The following TNS3 variants were observed in gnomAD, a reference collection of about 807,000 sequenced individuals.
The protein encoded by TNS3 is tensin 3.
A neutral mutation model predicts 140.9 loss-of-function variants in TNS3; 45 were observed. The ratio of observed to expected loss-of-function variants is 0.32; its 90% CI spans 0.25 to 0.41. The LOEUF is 0.41. Among genes scored for constraint, TNS3 ranks in the 10% least tolerant of loss-of-function variants. The pLI is 1.00. For missense variants in TNS3, 1,716 were observed against 1,906.7 expected (o/e 0.90, Z 1.86); for synonymous variants, 815 against 788.4 (o/e 1.03, Z -0.56).
chr7:47,359,817 C>T (rs1192184960), intron 17 of TNS3, among the ~76,000 whole-genome samples: 5 of 152,150 alleles, frequency 3.3e-5, no homozygotes, highest in East Asian at 1.9e-4. Context: ...GTTATAGAAA[C>T]GATACTTCAT....
chr7:47,291,523 C>G (rs976736881), intron 27 of TNS3, among the ~76,000 whole-genome samples: 1 of 152,070 alleles, frequency 6.6e-6, no homozygotes, highest in African/African-American at 2.4e-5. Flanking sequence ...TTTAAGTGAC[C>G]TGCTCTGTCT....
chr7:47,439,358 G>A, intron 6 of TNS3, 129 bp downstream of exon 6: 2 of 1,037,358 alleles, frequency 1.9e-6, no homozygotes, highest in Non-Finnish European at 2.7e-6. Context: ...AGGCGCCACG[G>A]ACAGCTGTGT....
intron 3 of TNS3, among the ~76,000 whole-genome samples, chr7:47,497,350 C>T (rs572944462): frequency 7.1e-4 from 108 of 152,192 alleles, no homozygotes; most frequent in African/African-American, 2.5e-3. Flanking sequence ...GGGAAAAGAG[C>T]ACTCCTGCAG....
chr7:47,316,777 C>CA (rs766794024), intron 20 of TNS3, among the ~76,000 whole-genome samples: 2,717 of 55,132 alleles, frequency 0.049, 88 homozygotes, highest in African/African-American at 0.11. Context: ...GACTCCATCT[C>CA]AAAAAAAAAA....
chr7:47,302,301 C>A lies in TNS3; in HGVS notation c.3458-29G>T, dbSNP rs772652706. On this transcript the variant is annotated intron_variant, in intron 22 of 30. Coordinates refer to ENST00000311160, the MANE Select transcript of TNS3 (RefSeq NM_022748.12). Reference sequence around the variant, plus strand: ...TAAAGCAAAATTTAAAAACAGTGACCATGATGGGCACTTTTCTTCTTGCAA... The same window carrying A: ...TAAAGCAAAATTTAAAAACAGTGACAATGATGGGCACTTTTCTTCTTGCAA... 9 of 1,567,872 alleles carry A rather than the reference C, an allele frequency of 5.7e-6. No homozygotes were observed. The South Asian group carries it at 1.0e-4, about 17-fold the overall frequency.
Position 47,303,350 on chromosome 7 carries a change from G to C in TNS3, c.3057C>G (p.Phe1019Leu), listed in dbSNP as rs765460182. 39 of 1,613,562 alleles carry C rather than the reference G, an allele frequency of 2.4e-5. 1 individual carries two copies. The highest frequency in any genetic ancestry group is 3.2e-5 in the Non-Finnish European group (38 of 1,179,910). The change falls in exon 22 of 31, where the codon TTC (phenylalanine) becomes TTG (leucine). Residue 1019 changes from phenylalanine to leucine, a missense_variant. Coordinates refer to ENST00000311160, the MANE Select transcript of TNS3 (RefSeq NM_022748.12). ...CCACTGGGGCGGTGCCGAAGCCCAG[G>C]AAGGCCTGGCTGCTGGGAGGCGCCA... is the stretch of plus-strand genomic sequence containing the variant. ...DSLAPPSSQA[F>L]LGFGTAPVGS...
chr7:47,554,067 A>G (rs973239215), intron 1 of TNS3, among the ~76,000 whole-genome samples: 5 of 151,162 alleles, frequency 3.3e-5, no homozygotes, highest in Non-Finnish European at 5.9e-5. Context: ...GGCCTCCCAA[A>G]GTGCTGGGAT....
At position 47,441,861 on chromosome 7, in the gene TNS3, T is replaced by C. The variant is rs114084211; in HGVS notation, c.-23+142A>G. 1.8e-3 allele frequency: 1,051 copies of C among 588,128 alleles called. 8 individuals are homozygous for C. The African/African-American group carries it at 0.018, about 10-fold the overall frequency. 36.4% of individuals were successfully genotyped at this position (588,128 alleles called of 1,614,324 possible). On this transcript the variant is annotated intron_variant, in intron 5 of 30. Transcript: ENST00000311160. ...AAACGGACAGAAAACCTGGCCTGTA[T>C]CACCTTTGATTGGCAATGTTTACAA...
At chr7:47,544,953 T>C (rs1799880682) in intron 1 of TNS3, among the ~76,000 whole-genome samples, 1 of 151,800 alleles carries the variant, frequency 6.6e-6, no homozygotes, top group African/African-American at 2.4e-5. Context: ...GCAGAGTTAG[T>C]TGTACGAAAA....
Position 47,368,911 on chromosome 7 carries a change from A to G in TNS3, c.1735T>C (p.Tyr579His), listed in dbSNP as rs755058774. The change falls in exon 17 of 31, where the codon TAT becomes CAT. Residue 579 changes from tyrosine (Y) to histidine (H), a missense_variant. Around this residue, in one of 3 missense-constraint regions of TNS3, gnomAD observed 1,163 missense variants for 1,182.1 expected, o/e 0.98. Transcript: ENST00000311160. ...TGTGTGGAGTAGCTGCTCTGCCCATAGGCCTGCATCTGGGCGGACACTGAG... is the reference window on the plus strand; with the variant it reads ...TGTGTGGAGTAGCTGCTCTGCCCATGGGCCTGCATCTGGGCGGACACTGAG... ...KPSVSAQMQA[Y>H]GQSSYSTQTW... 6.2e-7 allele frequency: 1 copy of G among 1,613,506 alleles called. No homozygotes were observed. Among genetic ancestry groups the G allele is most frequent in the Non-Finnish European group, 8.5e-7 (1 of 1,179,754 alleles).
At chr7:47,543,207 G>A (rs192395899) in intron 1 of TNS3, among the ~76,000 whole-genome samples, 15 of 152,288 alleles carry the variant, frequency 9.8e-5, no homozygotes, top group East Asian at 1.9e-4. Flanking sequence ...TGCTCCATCC[G>A]AAATCCAGAA....
Position 47,580,364 on chromosome 7 carries a change from G to A in TNS3, c.-265+1687C>T, listed in dbSNP as rs568778140. The stretch of plus-strand genomic sequence containing the variant: ...CCAAGGAATGTAATTTGGGTGAAAT[G>A]AAATGAATGCATGCAAAGCATTTAG... On this transcript the variant is annotated intron_variant, in intron 1 of 30. Transcript: ENST00000311160. Among the ~76,000 whole-genome samples, 212 of 152,338 alleles carry A rather than the reference G, an allele frequency of 1.4e-3. 1 individual carries two copies. Among genetic ancestry groups the A allele is most frequent in the Middle Eastern group, 0.01 (3 of 294 alleles).
chr7:47,303,176 G>C lies in TNS3; in HGVS notation c.3231C>G (p.His1077Gln). The change falls in exon 22 of 31, where the codon CAC becomes CAG. Residue 1077 changes from histidine (H) to glutamine (Q), a missense_variant. By Grantham distance (24) the His-to-Gln change is conservative. Coordinates refer to ENST00000311160, the MANE Select transcript of TNS3 (RefSeq NM_022748.12). Reference sequence around the variant, plus strand: ...GCAGGCCTGGACTGTGGTGGCTGCTGTGTCCAGGCGCCACCGTGAGAAAGT... The same window carrying C: ...GCAGGCCTGGACTGTGGTGGCTGCTCTGTCCAGGCGCCACCGTGAGAAAGT... Reference protein sequence around the residue: ...SHNFLTVAPGHSSHHSPGLQG... With the variant: ...SHNFLTVAPGQSSHHSPGLQG... The C allele has an allele frequency of 6.2e-7, 1 of 1,613,590 alleles. No homozygotes were observed. Among genetic ancestry groups the C allele is most frequent in the Non-Finnish European group, 8.5e-7 (1 of 1,179,968 alleles).
intron 4 of TNS3, among the ~76,000 whole-genome samples, chr7:47,471,898 C>T (rs754068319): frequency 6.6e-6 from 1 of 152,226 alleles, no homozygotes; most frequent in African/African-American, 2.4e-5. Flanking sequence ...GTATTAATTT[C>T]CTAAGGCTGC....
intron 4 of TNS3, among the ~76,000 whole-genome samples, chr7:47,454,355 C>T (rs1349695055): frequency 6.6e-6 from 1 of 152,204 alleles, no homozygotes; most frequent in African/African-American, 2.4e-5. Context: ...TTACTGGCCA[C>T]AGTCATCAGA....
intron 2 of TNS3, among the ~76,000 whole-genome samples, chr7:47,521,280 G>T (rs1231583077): frequency 6.6e-6 from 1 of 152,106 alleles, no homozygotes; most frequent in Admixed American, 6.6e-5. Flanking sequence ...CCTCACACGG[G>T]ATCCTGTTCC....
intron 23 of TNS3, among the ~76,000 whole-genome samples, chr7:47,301,444 T>G (rs547652512): frequency 1.9e-3 from 290 of 152,166 alleles, no homozygotes; most frequent in African/African-American, 6.9e-3. Flanking sequence ...AGAAAAGCCA[T>G]CCCACAGCCG....
At chr7:47,340,092 C>CATATAGATATAT (rs1554297173) in intron 20 of TNS3, among the ~76,000 whole-genome samples, 1 of 46,016 alleles carries the variant, frequency 2.2e-5, no homozygotes, top group Non-Finnish European at 3.7e-5. Flanking sequence ...TGTGCATATA[C>CATATAGATATAT]ATATATATAT....
chr7:47,482,252 C>T (rs1218742315), intron 3 of TNS3, among the ~76,000 whole-genome samples: 1 of 152,194 alleles, frequency 6.6e-6, no homozygotes, highest in Non-Finnish European at 1.5e-5. Flanking sequence ...TGGGCGGCGG[C>T]GTAATCTTGG....
Sources: gnomAD v4.1 joint callset for allele counts (sites outside exome capture counted in the v4.1 genomes callset) on GRCh38, gnomAD v4.1.1 for gene constraint, gnomAD v4.1.1 regional missense constraint, MANE v1.5 for transcripts, NCBI Gene and HGNC (gene_info 2026-07-23, HGNC 2026-07-21) for gene names.